RORB: variants seen among roughly 807,000 people sequenced by gnomAD.
RORB encodes nuclear receptor ROR-beta.
A neutral mutation model predicts 59.1 loss-of-function variants in RORB; 6 were observed. That is an observed-to-expected ratio of 0.10 (90% confidence interval 0.06 to 0.20). The LOEUF (loss-of-function observed/expected upper bound fraction) is 0.20, where lower values mean the gene tolerates loss of function less well. RORB is among the 10% of genes least tolerant of loss of function. The probability of loss-of-function intolerance (pLI) is 1.00; values close to 1 mark genes in which losing one functional copy is unlikely to be tolerated. For missense variants in RORB, 320 were observed against 560.5 expected, an observed-to-expected ratio of 0.57 and a Z score of 4.33; for synonymous variants, 215 against 204.5, an observed-to-expected ratio of 1.05 and a Z score of -0.44.
chr9:74,562,960 T>C (rs986314663), intron 1 of RORB, among the ~76,000 whole-genome samples: 18 of 152,166 alleles, frequency 1.2e-4, no homozygotes, highest in African/African-American at 3.9e-4. Context: ...CTTCTTCAAA[T>C]ACTTCAATGT....
At position 74,693,054 on chromosome 9, in the gene RORB, A is replaced by G. The variant is rs1435218756; in HGVS notation, c.*7436A>G. 6.6e-6 allele frequency: 1 copy of G among 152,226 alleles called. No homozygotes were observed. The highest frequency in any genetic ancestry group is 1.5e-5 in the Non-Finnish European group (1 of 68,044). The allele number at this position is 152,226 out of a possible 1,614,324, so 9.4% of individuals were successfully genotyped here. ...TTTATGTCCTGTAAATTATTAGTTC[A>G]ATACTGTTAGCATTCCCGGATAATG... On this transcript the variant is annotated 3_prime_UTR_variant, in exon 10 of 10. Coordinates refer to ENST00000376896, the MANE Select transcript of RORB (RefSeq NM_006914.4).
chr9:74,574,132 A>G (rs951825318), intron 1 of RORB, among the ~76,000 whole-genome samples: 6 of 151,998 alleles, frequency 3.9e-5, no homozygotes, highest in African/African-American at 1.2e-4. Flanking sequence ...GTCTTTCCTG[A>G]TTGTCTGGCA....
chr9:74,614,709 C>G (rs1823284377), intron 1 of RORB, among the ~76,000 whole-genome samples: 1 of 152,118 alleles, frequency 6.6e-6, no homozygotes, highest in South Asian at 2.1e-4. Flanking sequence ...ATTCATCATG[C>G]AAGCAACTGA....
At position 74,691,738 on chromosome 9, in the gene RORB, T is replaced by C. The variant is rs1229609671; in HGVS notation, c.*6120T>C. The C allele has an allele frequency of 6.6e-6, 1 of 152,192 alleles. No homozygotes were observed. Among genetic ancestry groups the C allele is most frequent in the Non-Finnish European group, 1.5e-5 (1 of 68,034 alleles). 9.4% of individuals were successfully genotyped at this position (152,192 alleles called of 1,614,324 possible). A position where few individuals can be genotyped will look rare whatever the true frequency, so the allele number is the denominator to read the frequency against. On this transcript the variant is annotated 3_prime_UTR_variant, in exon 10 of 10. Coordinates refer to ENST00000376896, the MANE Select transcript of RORB (RefSeq NM_006914.4). ...AGAGCAAATATGTACTTGCTTCCTT[T>C]CTGCGTGTTATGTACTTCTCAGTTT...
At chr9:74,530,871 C>CT (rs1563929590) in intron 1 of RORB, among the ~76,000 whole-genome samples, 14 of 151,808 alleles carry the variant, frequency 9.2e-5, no homozygotes, top group Non-Finnish European at 1.5e-4. Context: ...TATCCTTCCC[C>CT]CTACCCCCTA....
intron 8 of RORB, among the ~76,000 whole-genome samples, chr9:74,669,432 T>C (rs1274724518): frequency 6.6e-6 from 1 of 150,420 alleles, no homozygotes; most frequent in Non-Finnish European, 1.5e-5. Flanking sequence ...TGAGCCGAGA[T>C]TGTGCCATTT....
intron 1 of RORB, among the ~76,000 whole-genome samples, chr9:74,528,520 G>A (rs1826189562): frequency 6.6e-6 from 1 of 151,908 alleles, no homozygotes; most frequent in African/African-American, 2.4e-5. Flanking sequence ...CCACTTGTAA[G>A]CTGTGAACAA....
chr9:74,681,486 G>A (rs1824546858), intron 9 of RORB, among the ~76,000 whole-genome samples: 1 of 152,140 alleles, frequency 6.6e-6, no homozygotes, highest in African/African-American at 2.4e-5. Context: ...AGAGCTCTTC[G>A]CCTTCTCTGT....
intron 1 of RORB, among the ~76,000 whole-genome samples, chr9:74,545,498 G>A (rs1826473715): frequency 6.6e-6 from 1 of 152,166 alleles, no homozygotes; most frequent in African/African-American, 2.4e-5. Context: ...ATTTCCCAGT[G>A]TAAGTGATCA....
chr9:74,674,917 A>G (rs1017972188), intron 9 of RORB, among the ~76,000 whole-genome samples: 5 of 152,220 alleles, frequency 3.3e-5, no homozygotes, highest in Non-Finnish European at 5.9e-5. Context: ...TTTGTACCAT[A>G]TGACTAAAGA....
At chr9:74,662,731 C>A in intron 6 of RORB, 125 bp downstream of exon 6, 1 of 953,644 alleles carries the variant, frequency 1.0e-6, no homozygotes, top group Non-Finnish European at 1.6e-6. Flanking sequence ...CATTGTCAGC[C>A]AACTCCCAAA....
intron 1 of RORB, among the ~76,000 whole-genome samples, chr9:74,515,714 CA>C (rs1307337913): frequency 1.3e-5 from 2 of 151,956 alleles, no homozygotes; most frequent in Non-Finnish European, 2.9e-5. Flanking sequence ...TTCAAAATAA[CA>C]GATGCAAATT....
At chr9:74,529,436 G>A (rs1826202215) in intron 1 of RORB, among the ~76,000 whole-genome samples, 1 of 151,510 alleles carries the variant, frequency 6.6e-6, no homozygotes. Flanking sequence ...TCTGCTCCTT[G>A]TAGGATCACT....
At chr9:74,661,034 C>G (rs148361440) in intron 5 of RORB, among the ~76,000 whole-genome samples, 1 of 152,178 alleles carries the variant, frequency 6.6e-6, no homozygotes. Context: ...GTGCCTTCAT[C>G]AAATGATTTT....
chr9:74,590,156 G>A (rs1303250419), intron 1 of RORB, among the ~76,000 whole-genome samples: 2 of 152,090 alleles, frequency 1.3e-5, no homozygotes, highest in Non-Finnish European at 2.9e-5. Context: ...AGTAGTAGTA[G>A]TAATAGTAAT....
At chr9:74,666,891 G>A (rs576216387) in intron 7 of RORB, among the ~76,000 whole-genome samples, 4 of 152,344 alleles carry the variant, frequency 2.6e-5, no homozygotes, top group South Asian at 4.1e-4. Context: ...GCCAGGAAAG[G>A]TTTTAACGAT....
At chr9:74,680,285 G>A (rs549912058) in intron 9 of RORB, among the ~76,000 whole-genome samples, 3 of 152,252 alleles carry the variant, frequency 2.0e-5, no homozygotes, top group Non-Finnish European at 2.9e-5. Context: ...GAAGCCTTCC[G>A]AATTCTTCAT....
intron 9 of RORB, among the ~76,000 whole-genome samples, chr9:74,681,514 T>C (rs1824547270): frequency 6.6e-6 from 1 of 152,224 alleles, no homozygotes; most frequent in South Asian, 2.1e-4. Flanking sequence ...GCTGAAGCGA[T>C]CTGAGTGCTC....
In RORB at chr9:74,642,736, C is replaced by A. The variant is rs1345462114; in HGVS notation, c.558C>A (p.Leu186=). ...KQIKQEPIYD[L]TSVPNLFTYS... ...TAAAGCAAGAACCTATCTATGACCTCACATCCGTACCCAACTTGTTTACCT... is the reference window on the plus strand; with the variant it reads ...TAAAGCAAGAACCTATCTATGACCTAACATCCGTACCCAACTTGTTTACCT... Residue 186 remains leucine, a synonymous_variant, in exon 4 of 10, where the codon CTC becomes CTA. Coordinates refer to ENST00000376896, the MANE Select transcript of RORB (RefSeq NM_006914.4). 3 of 1,614,086 alleles carry A rather than the reference C, an allele frequency of 1.9e-6. No homozygotes were observed. The highest frequency in any genetic ancestry group is 2.5e-6 in the Non-Finnish European group (3 of 1,179,966).
Sources: gnomAD v4.1 joint callset for allele counts (sites outside exome capture counted in the v4.1 genomes callset) on GRCh38, gnomAD v4.1.1 for gene constraint, MANE v1.5 for transcripts, NCBI Gene and HGNC (gene_info 2026-07-23, HGNC 2026-07-21) for gene names.